PHF5A: variants seen among roughly 807,000 people sequenced by gnomAD.
PHF5A encodes PHD finger-like domain-containing protein 5A.
For synonymous variants in PHF5A, 52 were observed against 46.0 expected, an observed-to-expected ratio of 1.13 and a Z score of -0.52; for missense variants, 24 against 140.6, an observed-to-expected ratio of 0.17 and a Z score of 4.19.
intron 3 of PHF5A, among the ~76,000 whole-genome samples, chr22:41,466,981 G>A (rs2037870863): frequency 1.3e-5 from 2 of 149,982 alleles, no homozygotes; most frequent in South Asian, 2.1e-4. Flanking sequence ...CACAGAGCAA[G>A]AGACCCCATC....
rs1025643536 is a variant in PHF5A, at chr22:41,460,027, A to G, written c.*371T>C. 1 of 150,746 alleles carries G rather than the reference A, an allele frequency of 6.6e-6. No homozygotes were observed. The highest frequency in any genetic ancestry group is 2.5e-5 in the African/African-American group (1 of 40,736). 9.3% of individuals were successfully genotyped at this position (150,746 alleles called of 1,614,324 possible). A position where few individuals can be genotyped will look rare whatever the true frequency, so the allele number is the denominator to read the frequency against. ...GAGCTGCTGCAAGAACATGTTTTTC[A>G]CTGGGCGTCGCTTCACAGTCAGTTC... On this transcript the variant is annotated 3_prime_UTR_variant, in exon 4 of 4. Transcript: ENST00000216252.
chr22:41,462,495 G>A (rs1264792832), intron 3 of PHF5A, among the ~76,000 whole-genome samples: 1 of 152,142 alleles, frequency 6.6e-6, no homozygotes, highest in Non-Finnish European at 1.5e-5. Flanking sequence ...CAAGGAAGCC[G>A]CCTACCAATA....
chr22:41,467,055 G>A (rs1180579567), intron 3 of PHF5A, among the ~76,000 whole-genome samples: 1 of 148,146 alleles, frequency 6.8e-6, no homozygotes, highest in African/African-American at 2.5e-5. Context: ...TTTTTGAGAT[G>A]GGATCTTGCT....
intron 3 of PHF5A, among the ~76,000 whole-genome samples, chr22:41,460,961 T>C (rs1272911048): frequency 6.6e-6 from 1 of 152,028 alleles, no homozygotes; most frequent in Non-Finnish European, 1.5e-5. Context: ...TCACCTGAGG[T>C]CAGAAGTTCG....
At chr22:41,463,227 AATTTAC>A (rs1435788517) in intron 3 of PHF5A, among the ~76,000 whole-genome samples, 87 of 151,988 alleles carry the variant, frequency 5.7e-4, no homozygotes, top group Admixed American at 5.7e-3. Flanking sequence ...AAATTTAATT[AATTTAC>A]ATTAACTTTT....
At chr22:41,467,342 G>A in intron 3 of PHF5A, 106 bp downstream of exon 3, 2 of 1,079,872 alleles carry the variant, frequency 1.9e-6, no homozygotes, top group East Asian at 2.6e-5. Context: ...TAACCTAGAT[G>A]ACTAGATGAA....
At chr22:41,467,272 C>CA (rs2037874430) in intron 3 of PHF5A, among the ~76,000 whole-genome samples, 176 bp downstream of exon 3, 1 of 152,032 alleles carries the variant, frequency 6.6e-6, no homozygotes, top group South Asian at 2.1e-4. Context: ...CCCCTTGATG[C>CA]AAAATAACTG....
At chr22:41,465,177 A>C (rs965552012) in intron 3 of PHF5A, among the ~76,000 whole-genome samples, 6 of 150,806 alleles carry the variant, frequency 4.0e-5, no homozygotes, top group Non-Finnish European at 5.9e-5. Context: ...TGGTGTACTC[A>C]CTTTTTTTTT....
At chr22:41,461,469 C>A (rs1246218734) in intron 3 of PHF5A, among the ~76,000 whole-genome samples, 1 of 151,096 alleles carries the variant, frequency 6.6e-6, no homozygotes, top group Admixed American at 6.6e-5. Context: ...CTCACTGCAA[C>A]CTCCGCCACC....
chr22:41,460,505 G>GAAGTT lies in PHF5A; in HGVS notation c.244-23_244-19dup, dbSNP rs771816339. On this transcript the variant is annotated intron_variant, in intron 3 of 3. Transcript: ENST00000216252. Reference sequence around the variant, plus strand: ...CCATCTCTCTGGAAAACAGAACAGAGAAGTTGTTAAGTCTTTGAGCCTGAA... The same window carrying GAAGTT: ...CCATCTCTCTGGAAAACAGAACAGAGAAGTTAAGTTGTTAAGTCTTTGAGCCTGAA... 7.6e-6 allele frequency: 12 copies of GAAGTT among 1,582,060 alleles called. No homozygotes were observed. Among genetic ancestry groups the GAAGTT allele is most frequent in the Non-Finnish European group, 8.6e-6 (10 of 1,157,006 alleles).
Position 41,467,036 on chromosome 22 carries a change from C to CT in PHF5A, c.243+411dup, listed in dbSNP as rs11304465. On this transcript the variant is annotated intron_variant, in intron 3 of 3. Coordinates refer to ENST00000216252, the MANE Select transcript of PHF5A (RefSeq NM_032758.4). ...GAAGCAAAAAACAAAAAACAAAACA[C>CT]TTTTTTTTTTTTTGAGATGGGATCT... Among the ~76,000 whole-genome samples, 667 of 142,376 alleles carry CT rather than the reference C, an allele frequency of 4.7e-3. 3 individuals are homozygous for CT. Among genetic ancestry groups the CT allele is most frequent in the African/African-American group, 9.3e-3 (359 of 38,518 alleles). The allele number at this position is 142,376 out of a possible 152,430, so 93.4% of individuals were successfully genotyped here. A position where few individuals can be genotyped will look rare whatever the true frequency, so the allele number is the denominator to read the frequency against.
intron 3 of PHF5A, among the ~76,000 whole-genome samples, chr22:41,464,634 C>T (rs2146062042): frequency 6.6e-6 from 1 of 152,336 alleles, no homozygotes; most frequent in African/African-American, 2.4e-5. Context: ...AGTCAGACAG[C>T]AATTAACATT....
At chr22:41,466,986 C>T (rs368168414) in intron 3 of PHF5A, among the ~76,000 whole-genome samples, 5 of 151,166 alleles carry the variant, frequency 3.3e-5, no homozygotes, top group African/African-American at 1.2e-4. Context: ...AGCAAGAGAC[C>T]CCATCTCAAA....
chr22:41,460,632 CAGG>C, intron 3 of PHF5A, 145 bp from the exon 4 acceptor site: 2 of 513,420 alleles, frequency 3.9e-6, no homozygotes, highest in Non-Finnish European at 6.8e-6. Context: ...TGCTGAAGCC[CAGG>C]AGTTCGAGAC....
chr22:41,461,267 T>A (rs12168565), intron 3 of PHF5A, among the ~76,000 whole-genome samples: 5,693 of 152,302 alleles, frequency 0.037, 326 homozygotes, highest in African/African-American at 0.13. Context: ...ATCAATAATT[T>A]ACTAAACACC....
In PHF5A at chr22:41,461,805, T is replaced by C. The variant is rs571737361; in HGVS notation, c.244-1318A>G. On this transcript the variant is annotated intron_variant, in intron 3 of 3. Coordinates refer to ENST00000216252, the MANE Select transcript of PHF5A (RefSeq NM_032758.4). ...AGCCTCCCGAGTAGTGGGGAGTACA[T>C]GCACCCGCGACCATGCCCAGCTAAT... is the stretch of plus-strand genomic sequence containing the variant. 1.9e-4 allele frequency among the ~76,000 whole-genome samples: 29 copies of C among 152,064 alleles called. No individual in the cohort carries two copies. In the East Asian group the frequency reaches 2.9e-3, roughly 15 times the overall value.
intron 2 of PHF5A, 197 bp downstream of exon 2, chr22:41,467,927 T>C: frequency 1.6e-6 from 1 of 634,608 alleles, no homozygotes; most frequent in South Asian, 2.0e-5. Context: ...TTCTTCCCGT[T>C]GAAAACTAGA....
chr22:41,466,458 TCAA>T (rs2037866818), intron 3 of PHF5A, among the ~76,000 whole-genome samples: 1 of 152,184 alleles, frequency 6.6e-6, no homozygotes, highest in South Asian at 2.1e-4. Context: ...TGTCCCAAAT[TCAA>T]CTTTGTCACG....
chr22:41,460,656 T>C (rs1440014128), intron 3 of PHF5A, among the ~76,000 whole-genome samples, 169 bp from the exon 4 acceptor site: 1 of 150,504 alleles, frequency 6.6e-6, no homozygotes, highest in East Asian at 2.0e-4. Context: ...TAGTGGGCTA[T>C]GATGATGCCT....
Sources: gnomAD v4.1 joint callset for allele counts (sites outside exome capture counted in the v4.1 genomes callset) on GRCh38, gnomAD v4.1.1 for gene constraint, MANE v1.5 for transcripts, NCBI Gene and HGNC (gene_info 2026-07-23, HGNC 2026-07-21) for gene names.